The following ANKRD17 variants were observed in gnomAD, a reference collection of about 807,000 sequenced individuals.
ANKRD17 encodes ankyrin repeat domain 17, also known as ankyrin repeat domain-containing protein 17.
ANKRD17 carries 19 observed loss-of-function variants against 229.7 expected under a neutral mutation model. That is an observed-to-expected ratio of 0.08 (90% CI 0.06 to 0.12). The LOEUF (loss-of-function observed/expected upper bound fraction) is 0.12, where lower values mean the gene tolerates loss of function less well. ANKRD17 is among the 10% of genes least tolerant of loss of function. The pLI is 1.00. For synonymous variants in ANKRD17, 1,112 were observed against 1,146.1 expected (o/e 0.97, Z 0.60); for missense variants, 2,176 against 3,176.8 (o/e 0.68, Z 7.57).
At chr4:73,233,751 T>C (rs1385913040) in intron 1 of ANKRD17, among the ~76,000 whole-genome samples, 1 of 152,156 alleles carries the variant, frequency 6.6e-6, no homozygotes, top group Non-Finnish European at 1.5e-5. Flanking sequence ...CATGATAAAA[T>C]AGAGGGGCTG....
At chr4:73,193,896 C>T (rs1737475483) in intron 1 of ANKRD17, among the ~76,000 whole-genome samples, 3 of 152,116 alleles carry the variant, frequency 2.0e-5, no homozygotes, top group South Asian at 4.1e-4. Flanking sequence ...TGCGACACTG[C>T]ACTCTAGCCT....
intron 29 of ANKRD17, among the ~76,000 whole-genome samples, chr4:73,089,925 A>T (rs1469465320): frequency 1.3e-5 from 2 of 152,180 alleles, no homozygotes; most frequent in Non-Finnish European, 2.9e-5. Flanking sequence ...ATTTAAATTT[A>T]AAAAGTACAC....
At chr4:73,254,911 TTTAA>T (rs1218058218) in intron 1 of ANKRD17, among the ~76,000 whole-genome samples, 1 of 152,188 alleles carries the variant, frequency 6.6e-6, no homozygotes, top group Non-Finnish European at 1.5e-5. Flanking sequence ...TCAAAAGCAA[TTTAA>T]TTAATTTTGT....
At chr4:73,100,990 G>A (rs1470110935) in intron 25 of ANKRD17, 6 of 981,486 alleles carry the variant, frequency 6.1e-6, no homozygotes, top group African/African-American at 3.5e-5. Context: ...AAACAAATAC[G>A]AATTTAAAAA....
intron 2 of ANKRD17, among the ~76,000 whole-genome samples, chr4:73,162,205 T>A (rs1277525876): frequency 6.6e-6 from 1 of 152,082 alleles, no homozygotes; most frequent in Non-Finnish European, 1.5e-5. Context: ...TGCACTACCA[T>A]GCTTGGCTAA....
intron 29 of ANKRD17, among the ~76,000 whole-genome samples, chr4:73,086,918 AAATATATATATATATAT>A (rs1378597745): frequency 2.4e-5 from 1 of 40,924 alleles, no homozygotes; most frequent in African/African-American, 9.6e-5. Flanking sequence ...AAAAAAAAAA[AAATATATATATATATAT>A]ATATATATAT....
In ANKRD17 at chr4:73,125,270, C is replaced by T. The variant is rs1444597879; in HGVS notation, c.3277G>A (p.Gly1093Ser). The T allele has an allele frequency of 1.9e-6, 3 of 1,613,698 alleles. No homozygotes were observed. Among genetic ancestry groups the T allele is most frequent in the Non-Finnish European group, 2.5e-6 (3 of 1,179,900 alleles). The change falls in exon 17 of 34, where the codon GGT becomes AGT. Residue 1093 changes from glycine to serine, a missense_variant. Physicochemically the swap from Gly to Ser is moderately conservative, Grantham distance 56. Transcript: ENST00000358602. ...HDTALTLACAGGHEELVQTLL... is the reference protein window; with the variant it reads ...HDTALTLACASGHEELVQTLL... ...GTTTGTACCAGTTCCTCGTGGCCAC[C>T]AGCACAGGCAAGTGTTAGTGCCGTG...
intron 1 of ANKRD17, among the ~76,000 whole-genome samples, chr4:73,181,856 T>C (rs973609348): frequency 5.9e-5 from 9 of 151,662 alleles, no homozygotes; most frequent in African/African-American, 2.2e-4. Flanking sequence ...GAGACCAGCC[T>C]GGCCAACATG....
At chr4:73,101,905 G>C (rs1724048381) in intron 25 of ANKRD17, among the ~76,000 whole-genome samples, 1 of 151,768 alleles carries the variant, frequency 6.6e-6, no homozygotes, top group Admixed American at 6.6e-5. Context: ...GAGGAATTCA[G>C]TCAACAAAAA....
rs905116586 is a variant in ANKRD17 at position 73,074,676 on chromosome 4, C to G, written c.*1555G>C. Reference sequence around the variant, plus strand: ...TTGATTTACTTGACAACCAAGGAACCATGTTAATATCATCAACTCTAGGTG... The same window carrying G: ...TTGATTTACTTGACAACCAAGGAACGATGTTAATATCATCAACTCTAGGTG... On this transcript the variant is annotated 3_prime_UTR_variant, in exon 34 of 34. Coordinates refer to ENST00000358602, the MANE Select transcript of ANKRD17 (RefSeq NM_032217.5). The G allele has an allele frequency of 6.6e-6, 1 of 151,868 alleles. No individual in the cohort carries two copies. Among genetic ancestry groups the G allele is most frequent in the African/African-American group, 2.4e-5 (1 of 41,350 alleles). The allele number at this position is 151,868 out of a possible 1,614,324, so 9.4% of individuals were successfully genotyped here. A position where few individuals can be genotyped will look rare whatever the true frequency, so the allele number is the denominator to read the frequency against.
chr4:73,078,717 C>A lies in ANKRD17; in HGVS notation c.7333G>T (p.Val2445Phe), dbSNP rs1182873726. The change falls in exon 31 of 34, where the codon GTT (valine) becomes TTT (phenylalanine). Residue 2445 changes from valine to phenylalanine, a missense_variant. Physicochemically the swap from Val to Phe is conservative, Grantham distance 50. Around this residue, in one of 18 missense-constraint regions of ANKRD17, gnomAD observed 159 missense variants for 214.3 expected, o/e 0.74. Coordinates refer to ENST00000358602, the MANE Select transcript of ANKRD17 (RefSeq NM_032217.5). ...IRQTGTSAPS[V>F]IGSNLSTSVG... is the part of the protein sequence containing the mutation. Reference sequence around the variant, plus strand: ...GATGTAGACAAATTGCTCCCAATAACAGATGGAGCTGACGTTCCAGTTTGC... The same window carrying A: ...GATGTAGACAAATTGCTCCCAATAAAAGATGGAGCTGACGTTCCAGTTTGC... 2 of 1,614,162 alleles carry A rather than the reference C, an allele frequency of 1.2e-6. No homozygotes were observed. The highest frequency in any genetic ancestry group is 2.7e-5 in the African/African-American group (2 of 75,042).
intron 10 of ANKRD17, among the ~76,000 whole-genome samples, chr4:73,145,369 A>T (rs1296009617): frequency 6.6e-6 from 1 of 152,128 alleles, no homozygotes; most frequent in East Asian, 1.9e-4. Flanking sequence ...CTTTTCTAAA[A>T]CCATCAACTC....
At chr4:73,212,240 C>G (rs903549382) in intron 1 of ANKRD17, among the ~76,000 whole-genome samples, 47 of 135,568 alleles carry the variant, frequency 3.5e-4, no homozygotes, top group South Asian at 1.5e-3. Flanking sequence ...CTGAAGATAC[C>G]AACAACAAAG....
chr4:73,158,186 A>AAGAAAGAAAGAAAGAGAGAG (rs963284200), intron 3 of ANKRD17, among the ~76,000 whole-genome samples: 1 of 111,990 alleles, frequency 8.9e-6, no homozygotes, highest in Non-Finnish European at 2.0e-5. Context: ...GAAAGAAAGA[A>AAGAAAGAAAGAAAGAGAGAG]AGAGAGAGAA....
intron 1 of ANKRD17, among the ~76,000 whole-genome samples, chr4:73,257,059 C>T (rs1745516022): frequency 6.6e-6 from 1 of 152,134 alleles, no homozygotes; most frequent in South Asian, 2.1e-4. Flanking sequence ...AAATAAGTTC[C>T]ATGTTTGTGG....
At chr4:73,204,940 A>T (rs1350165255) in intron 1 of ANKRD17, among the ~76,000 whole-genome samples, 1 of 152,180 alleles carries the variant, frequency 6.6e-6, no homozygotes, top group African/African-American at 2.4e-5. Flanking sequence ...GTGAGTAAAA[A>T]TACTCACAAA....
At chr4:73,258,160 C>G in intron 1 of ANKRD17, 116 bp downstream of exon 1, 1 of 1,527,020 alleles carries the variant, frequency 6.5e-7, no homozygotes, top group Non-Finnish European at 8.8e-7. Context: ...AGTCGAAAGC[C>G]TGGCCCCTAA....
intron 1 of ANKRD17, among the ~76,000 whole-genome samples, chr4:73,255,711 T>C (rs1342114457): frequency 6.6e-6 from 1 of 152,128 alleles, no homozygotes; most frequent in Non-Finnish European, 1.5e-5. Flanking sequence ...TCTGTATAGA[T>C]TTTTTAAATG....
intron 33 of ANKRD17, 48 bp from the exon 34 acceptor site, chr4:73,076,338 T>G: frequency 7.1e-7 from 1 of 1,402,606 alleles, no homozygotes; most frequent in Non-Finnish European, 9.5e-7. Flanking sequence ...CTAGCATATA[T>G]TTTATTAAAA....
Sources: allele counts gnomAD v4.1 joint callset (sites outside exome capture counted in the v4.1 genomes callset), GRCh38; gene constraint gnomAD v4.1.1; regional missense constraint gnomAD v4.1.1; transcripts MANE v1.5; gene names NCBI Gene and HGNC (gene_info 2026-07-23, HGNC 2026-07-21).